Variants in ZFYVE26 observed in about 807,000 individuals in gnomAD.
The protein encoded by ZFYVE26 is zinc finger FYVE-type containing 26.
ZFYVE26 carries 181 observed loss-of-function variants against 276.5 expected under a neutral mutation model. The ratio of observed to expected loss-of-function variants is 0.65; its 90% CI spans 0.58 to 0.74. ZFYVE26 has a LOEUF of 0.74. ZFYVE26 is among the 30% of genes least tolerant of loss of function. The pLI, the probability that ZFYVE26 is intolerant of heterozygous loss-of-function variation, is 0.00. For synonymous variants in ZFYVE26, 1,129 were observed against 1,203.1 expected (o/e 0.94, Z 1.27); for missense variants, 2,821 against 3,097.9 (o/e 0.91, Z 2.12).
intron 23 of ZFYVE26, 56 bp from the exon 24 acceptor site, chr14:67,778,304 A>G: frequency 6.2e-7 from 1 of 1,610,560 alleles, no homozygotes; most frequent in East Asian, 2.2e-5. Flanking sequence ...GATTCTTCTC[A>G]GCAGTCTTGA....
At chr14:67,765,318 C>T (rs549436940) in intron 32 of ZFYVE26, among the ~76,000 whole-genome samples, 1 of 152,176 alleles carries the variant, frequency 6.6e-6, no homozygotes, top group South Asian at 2.1e-4. Context: ...TAGTTCTTCA[C>T]CATTTACATG....
chr14:67,800,879 T>C (rs1241480469), intron 10 of ZFYVE26, among the ~76,000 whole-genome samples: 1 of 151,880 alleles, frequency 6.6e-6, no homozygotes, highest in African/African-American at 2.4e-5. Context: ...GCATCTGTCT[T>C]CATATAATGG....
chr14:67,801,529 C>T (rs1249421414), intron 10 of ZFYVE26, among the ~76,000 whole-genome samples: 2 of 152,118 alleles, frequency 1.3e-5, no homozygotes, highest in Non-Finnish European at 2.9e-5. Flanking sequence ...AGAGGGAAAA[C>T]TGATCACTAG....
rs1422943091 is a variant in ZFYVE26 at position 67,816,589 on chromosome 14, T to G, written c.-139A>C. On this transcript the variant is annotated 5_prime_UTR_variant, in exon 1 of 42. Coordinates refer to ENST00000347230, the MANE Select transcript of ZFYVE26 (RefSeq NM_015346.4). ...TCAGCGCAGCCATGTTTGAGCCGAG[T>G]CAGGTGACAGAACCCACTCCGAACA... 6.6e-6 allele frequency: 1 copy of G among 152,184 alleles called. No homozygotes were observed. The highest frequency in any genetic ancestry group is 2.4e-5 in the African/African-American group (1 of 41,366). 9.4% of individuals were successfully genotyped at this position (152,184 alleles called of 1,614,324 possible).
At chr14:67,761,319 G>C (rs1594891149) in intron 35 of ZFYVE26, 47 bp downstream of exon 35, 1 of 1,555,240 alleles carries the variant, frequency 6.4e-7, no homozygotes. Context: ...GTCCAAGCCA[G>C]AGGAGTAAGG....
intron 16 of ZFYVE26, among the ~76,000 whole-genome samples, chr14:67,786,952 C>A (rs952507447): frequency 6.6e-6 from 1 of 152,120 alleles, no homozygotes; most frequent in African/African-American, 2.4e-5. Context: ...AAGACAAACA[C>A]CACATGTTCT....
intron 35 of ZFYVE26, chr14:67,760,813 T>C (rs916128482): frequency 1.0e-5 from 2 of 192,354 alleles, no homozygotes; most frequent in African/African-American, 2.3e-5. Context: ...TGTTCTTCAG[T>C]GGTGCCTTTG....
At chr14:67,779,822 AC>A (rs1387131482) in intron 23 of ZFYVE26, among the ~76,000 whole-genome samples, 1 of 152,184 alleles carries the variant, frequency 6.6e-6, no homozygotes, top group East Asian at 1.9e-4. Flanking sequence ...TAGTCTCTAT[AC>A]TTATCTGGAT....
chr14:67,790,514 C>T (rs1271428917), intron 15 of ZFYVE26, 58 bp downstream of exon 15: 1 of 1,582,142 alleles, frequency 6.3e-7, no homozygotes, highest in African/African-American at 1.3e-5. Flanking sequence ...TGGTTTCTCC[C>T]CTTTTACCCC....
chr14:67,789,772 G>A (rs971628761), intron 15 of ZFYVE26, among the ~76,000 whole-genome samples, 174 bp from the exon 16 acceptor site: 3 of 152,234 alleles, frequency 2.0e-5, no homozygotes, highest in African/African-American at 7.2e-5. Context: ...ACAGTGGCAT[G>A]AAAGGAAGAC....
In ZFYVE26 at chr14:67,748,457, A is replaced by T; in HGVS notation, c.7599T>A (p.His2533Gln). Residue 2533 changes from histidine to glutamine, a missense_variant, in exon 42 of 42, where the codon CAT (histidine) becomes CAA (glutamine). By Grantham distance (24) the His-to-Gln change is conservative. Transcript: ENST00000347230. ...WLLTSHPRGA[H>Q]GPGSRK ...AAGGTCACTTCCTGGAGCCTGGGCC[A>T]TGGGCACCCCGGGGGTGGCTTGTCA... The T allele has an allele frequency of 6.2e-7, 1 of 1,612,522 alleles. No homozygotes were observed. Among genetic ancestry groups the T allele is most frequent in the South Asian group, 1.1e-5 (1 of 91,004 alleles).
At chr14:67,799,471 C>T in intron 10 of ZFYVE26, 1 of 1,611,036 alleles carries the variant, frequency 6.2e-7, no homozygotes, top group East Asian at 2.2e-5. Context: ...GCGTGGATAG[C>T]CTGAAGGCAG....
At chr14:67,787,328 C>T (rs1225381067) in intron 16 of ZFYVE26, among the ~76,000 whole-genome samples, 1 of 151,842 alleles carries the variant, frequency 6.6e-6, no homozygotes, top group Non-Finnish European at 1.5e-5. Context: ...TGCACTCCAG[C>T]CTGGGTGACA....
intron 28 of ZFYVE26, among the ~76,000 whole-genome samples, chr14:67,771,599 A>G (rs1399052212): frequency 6.6e-6 from 1 of 152,210 alleles, no homozygotes; most frequent in Non-Finnish European, 1.5e-5. Context: ...AGAATATATC[A>G]TCCTTAGTTT....
chr14:67,807,261 A>T (rs2140251704), intron 5 of ZFYVE26, 137 bp downstream of exon 5: 2 of 1,127,024 alleles, frequency 1.8e-6, no homozygotes, highest in South Asian at 2.8e-5. Flanking sequence ...TTTACGAAAG[A>T]GCATCGCACC....
intron 35 of ZFYVE26, among the ~76,000 whole-genome samples, chr14:67,757,462 C>T (rs2038808051): frequency 6.6e-6 from 1 of 152,184 alleles, no homozygotes; most frequent in Non-Finnish European, 1.5e-5. Flanking sequence ...TGATTTGCTC[C>T]TCGTGTTCTT....
intron 38 of ZFYVE26, 60 bp from the exon 39 acceptor site, chr14:67,753,826 C>A: frequency 6.3e-7 from 1 of 1,585,536 alleles, no homozygotes; most frequent in South Asian, 1.1e-5. Flanking sequence ...TACTCTTGAC[C>A]AAGAATGAAG....
chr14:67,814,991 A>C (rs2040373588), intron 2 of ZFYVE26, among the ~76,000 whole-genome samples: 1 of 152,228 alleles, frequency 6.6e-6, no homozygotes, highest in Non-Finnish European at 1.5e-5. Flanking sequence ...TACTAGCATC[A>C]CCAGGAGGAA....
intron 4 of ZFYVE26, 128 bp downstream of exon 4, chr14:67,809,072 C>A: frequency 1.2e-6 from 1 of 823,672 alleles, no homozygotes. Flanking sequence ...AAAGGAGCTT[C>A]TGTGTTGCCT....
Sources: gnomAD v4.1 joint callset for allele counts (sites outside exome capture counted in the v4.1 genomes callset) on GRCh38, gnomAD v4.1.1 for gene constraint, MANE v1.5 for transcripts, NCBI Gene and HGNC (gene_info 2026-07-23, HGNC 2026-07-21) for gene names.